NUMA1: variants seen among roughly 807,000 people sequenced by gnomAD.
The protein encoded by NUMA1 is SP-H antigen.
Under a neutral mutation model 237.1 loss-of-function variants are expected in NUMA1, and 62 were observed. The ratio of observed to expected loss-of-function variants is 0.26; its 90% CI spans 0.21 to 0.32. The LOEUF (loss-of-function observed/expected upper bound fraction) is 0.32. Ranked by LOEUF, NUMA1 falls within the 10% of genes least tolerant of loss-of-function variation. NUMA1 has a pLI of 1.00. For synonymous variants in NUMA1, 1,028 were observed against 1,066.1 expected (o/e 0.96, Z 0.70); for missense variants, 2,533 against 2,666.5 (o/e 0.95, Z 1.10).
In NUMA1 at chr11:72,018,181, A is replaced by G. The variant is rs1430201977; in HGVS notation, c.978+2T>C. On this transcript the variant is annotated splice_donor_variant, in intron 12 of 26. Coordinates refer to ENST00000393695, the MANE Select transcript of NUMA1 (RefSeq NM_006185.4). LOFTEE classifies it high-confidence loss of function. ...CCATGCACACACCACCTTAACACCC[A>G]CCTTAAAGGAAAGGTCTCCATTCTC... The G allele has an allele frequency of 6.2e-7, 1 of 1,607,430 alleles. No homozygotes were observed. The highest frequency in any genetic ancestry group is 8.5e-7 in the Non-Finnish European group (1 of 1,173,960).
intron 2 of NUMA1, among the ~76,000 whole-genome samples, chr11:72,046,229 A>C (rs937197837): frequency 6.6e-6 from 1 of 152,230 alleles, no homozygotes; most frequent in Non-Finnish European, 1.5e-5. Context: ...AAGAGCGGGA[A>C]AGGAGTGGTA....
chr11:72,010,221 C>T (rs1025806926), intron 17 of NUMA1, among the ~76,000 whole-genome samples: 5 of 152,222 alleles, frequency 3.3e-5, no homozygotes, highest in Admixed American at 1.3e-4. Flanking sequence ...GCCACTGGTG[C>T]CCAATTCCTT....
rs993501791 is a variant in NUMA1, at chr11:72,013,006, C to T, written c.4497G>A (p.Gln1499=). ...TCACCTCCAGCTCCCGGGCAGTGCT[C>T]TGTGCTTCTCGCTGCACCTCAGCCA... ...TRLAEVQREA[Q]STARELEVMT... Residue 1499 remains glutamine, a synonymous_variant, in exon 15 of 27, where the codon CAG becomes CAA. Coordinates refer to ENST00000393695, the MANE Select transcript of NUMA1 (RefSeq NM_006185.4). This position sits in a 1 kb window ranked among gnomAD's most constrained non-coding sequence, Gnocchi z 6.8. 3.1e-6 allele frequency: 5 copies of T among 1,614,076 alleles called. No individual in the cohort carries two copies. In the Admixed American group the frequency reaches 8.3e-5, roughly 27 times the overall value.
At chr11:72,068,060 A>T (rs1354861600) in intron 2 of NUMA1, 1 of 152,190 alleles carries the variant, frequency 6.6e-6, no homozygotes, top group African/African-American at 2.4e-5. Context: ...ATTTCTGCCT[A>T]AAAAAAGACT....
chr11:72,031,893 G>A (rs1428083411), intron 3 of NUMA1, among the ~76,000 whole-genome samples: 1 of 151,800 alleles, frequency 6.6e-6, no homozygotes, highest in Non-Finnish European at 1.5e-5. Context: ...GCTTTGGGAG[G>A]ACGAGGAGGG....
In NUMA1 at chr11:72,018,191, A is replaced by T. The variant is rs1368297795; in HGVS notation, c.970T>A (p.Ser324Thr). The T allele has an allele frequency of 6.2e-7, 1 of 1,612,172 alleles. No individual in the cohort carries two copies. Among genetic ancestry groups the T allele is most frequent in the South Asian group, 1.1e-5 (1 of 91,042 alleles). ...NQLSEENGDL[S>T]FKLREFASHL... is the part of the protein sequence containing the mutation. ...ACCACCTTAACACCCACCTTAAAGG[A>T]AAGGTCTCCATTCTCCTCCGAAAGC... Residue 324 changes from serine to threonine, a missense_variant, in exon 12 of 27, where the codon TCC becomes ACC. Ser to Thr is a moderately conservative substitution (Grantham distance 58, BLOSUM62 1). This residue lies in a region of NUMA1 where 1,414 missense variants were observed against 1,508.1 expected (regional missense o/e 0.94). Transcript: ENST00000393695.
Position 72,010,100 on chromosome 11 carries a change from T to A in NUMA1, c.4719+686A>T, listed in dbSNP as rs144910254. Among the ~76,000 whole-genome samples the A allele has an allele frequency of 3.7e-3, 571 of 152,288 alleles. 4 individuals carry two copies. Among genetic ancestry groups the A allele is most frequent in the African/African-American group, 0.013 (552 of 41,548 alleles). ...ACAAGGAGTAGAATAAACATTTGTT[T>A]ATTGCAATCAAGACATGCTGTGGCA... is the stretch of plus-strand genomic sequence containing the variant. On this transcript the variant is annotated intron_variant, in intron 17 of 26. Coordinates refer to ENST00000393695, the MANE Select transcript of NUMA1 (RefSeq NM_006185.4).
At chr11:72,028,609 C>A (rs1183592881) in intron 4 of NUMA1, among the ~76,000 whole-genome samples, 2 of 152,188 alleles carry the variant, frequency 1.3e-5, no homozygotes, top group African/African-American at 4.8e-5. Flanking sequence ...GGCCAAACTA[C>A]AATCCTTGCT....
rs762815476 is a variant in NUMA1 at position 72,012,898 on chromosome 11, G to T, written c.4605C>A (p.Ala1535=). ...GTGGTTGGGCTGAGTACCTTACCTGGGCAGTGAGTTTCTGCCTCTCTTCCT... is the reference window on the plus strand; with the variant it reads ...GTGGTTGGGCTGAGTACCTTACCTGTGCAGTGAGTTTCTGCCTCTCTTCCT... The part of the protein sequence containing the change: ...RFQEERQKLT[A]QVEQLEVFQR... Residue 1535 remains alanine, a synonymous_variant, in exon 15 of 27, where the codon GCC becomes GCA. Coordinates refer to ENST00000393695, the MANE Select transcript of NUMA1 (RefSeq NM_006185.4). 25 of 1,613,578 alleles carry T rather than the reference G, an allele frequency of 1.5e-5. No individual in the cohort carries two copies. The highest frequency in any genetic ancestry group is 1.9e-5 in the Non-Finnish European group (23 of 1,179,692).
At chr11:72,034,720 TACTGA>T (rs763203077) in intron 3 of NUMA1, among the ~76,000 whole-genome samples, 5 of 151,594 alleles carry the variant, frequency 3.3e-5, no homozygotes, top group Admixed American at 6.6e-5. Flanking sequence ...AAAAAAAAGA[TACTGA>T]AGATACTGAG....
At chr11:72,006,328 C>T in intron 21 of NUMA1, 65 bp from the exon 22 acceptor site, 2 of 1,392,286 alleles carry the variant, frequency 1.4e-6, no homozygotes, top group Non-Finnish European at 2.0e-6. Context: ...CTTCCCATTC[C>T]CTTCCGAAGC....
Position 72,016,537 on chromosome 11 carries a change from G to A in NUMA1, c.1120-7C>T, listed in dbSNP as rs376562782. ...TCTTCTCTTCAAGGCATTTCTGGGA[G>A]TAAATGAGACCCATGTGAACAGAGA... On this transcript the variant is annotated splice_region_variant and splice_polypyrimidine_tract_variant and intron_variant, in intron 13 of 26. Coordinates refer to ENST00000393695, the MANE Select transcript of NUMA1 (RefSeq NM_006185.4). 1.1e-5 allele frequency: 18 copies of A among 1,613,404 alleles called. No individual in the cohort carries two copies. The highest frequency in any genetic ancestry group is 1.6e-4 in the Middle Eastern group (1 of 6,084).
At chr11:72,080,317 TA>T (rs1944055414) in intron 1 of NUMA1, 140 bp downstream of exon 1, 1 of 39,468 alleles carries the variant, frequency 2.5e-5, no homozygotes, top group Non-Finnish European at 5.1e-5. Context: ...TCACAAACCT[TA>T]CCCCCATAGA....
In NUMA1 at chr11:72,006,326, TC is replaced by T; in HGVS notation, c.5464-64del. 2.1e-6 allele frequency: 3 copies of T among 1,435,178 alleles called. No individual in the cohort carries two copies. The East Asian group carries it at 7.0e-5, about 34-fold the overall frequency. The allele number at this position is 1,435,178 out of a possible 1,614,324, so 88.9% of individuals were successfully genotyped here. ...CTGGCACTGTACAGAAGCTTCCCAT[TC>T]CCTTCCGAAGCCCTCAGATCCCACG... On this transcript the variant is annotated intron_variant, in intron 21 of 26. Coordinates refer to ENST00000393695, the MANE Select transcript of NUMA1 (RefSeq NM_006185.4).
intron 2 of NUMA1, among the ~76,000 whole-genome samples, chr11:72,059,157 T>C (rs1942816609): frequency 6.6e-6 from 1 of 152,218 alleles, no homozygotes; most frequent in East Asian, 1.9e-4. Context: ...CACATACAGG[T>C]ATGTGTGTTT....
At chr11:72,041,924 G>GC (rs1301782282) in intron 2 of NUMA1, 2 of 152,404 alleles carry the variant, frequency 1.3e-5, no homozygotes, top group African/African-American at 4.8e-5. Flanking sequence ...GTACAGGCCT[G>GC]CGCTGTCCTG....
chr11:72,031,857 T>G (rs1336629011), intron 3 of NUMA1, among the ~76,000 whole-genome samples: 1 of 148,954 alleles, frequency 6.7e-6, no homozygotes, highest in Non-Finnish European at 1.5e-5. Context: ...AGGCTAGGTG[T>G]GGTGGCTCAT....
rs535929418 is a variant in NUMA1 at position 72,029,121 on chromosome 11, A to G, written c.128+84T>C. ...CCCCTGATTTCTGGTCATAGCCATC[A>G]TCAAGTAAAGAGAACAAGTACAGCC... On this transcript the variant is annotated intron_variant, in intron 4 of 26. Coordinates refer to ENST00000393695, the MANE Select transcript of NUMA1 (RefSeq NM_006185.4). 8.5e-5 allele frequency: 82 copies of G among 966,158 alleles called. 2 individuals carry two copies. The South Asian group carries it at 9.5e-4, about 11-fold the overall frequency. The allele number at this position is 966,158 out of a possible 1,614,324, so 59.8% of individuals were successfully genotyped here.
chr11:72,017,768 C>T lies in NUMA1; in HGVS notation c.1038G>A (p.Glu346=), dbSNP rs61749193. ...QLQDALNELT[E]EHSKATQEWL... is the part of the protein sequence containing the mutation. ...ACTCCTGAGTGGCCTTGCTGTGCTC[C>T]TCCGTCAGCTCATTGAGGGCATCCT... The change falls in exon 13 of 27, where the codon GAG becomes GAA. Residue 346 remains glutamate (E), a synonymous_variant. Coordinates refer to ENST00000393695, the MANE Select transcript of NUMA1 (RefSeq NM_006185.4). 4 of 1,613,046 alleles carry T rather than the reference C, an allele frequency of 2.5e-6. No individual in the cohort carries two copies. The highest frequency in any genetic ancestry group is 1.3e-5 in the African/African-American group (1 of 75,018).
Sources: gnomAD v4.1 joint callset for allele counts (sites outside exome capture counted in the v4.1 genomes callset) on GRCh38, gnomAD v4.1.1 for gene constraint, gnomAD v4.1.1 regional missense constraint, Gnocchi (gnomAD v3.1) non-coding constraint, MANE v1.5 for transcripts, NCBI Gene and HGNC (gene_info 2026-07-23, HGNC 2026-07-21) for gene names.